MYO18B: variants seen among roughly 807,000 people sequenced by gnomAD.
MYO18B encodes unconventional myosin-XVIIIb.
MYO18B carries 204 observed loss-of-function variants against 273.0 expected under a neutral mutation model. That is an observed-to-expected ratio of 0.75 (90% CI 0.67 to 0.84). The LOEUF (loss-of-function observed/expected upper bound fraction) is 0.84. MYO18B is among the 40% of genes least tolerant of loss of function. MYO18B has a pLI of 0.00. For synonymous variants in MYO18B, 1,330 were observed against 1,305.7 expected (o/e 1.02, Z -0.40); for missense variants, 3,212 against 3,287.6 (o/e 0.98, Z 0.56).
At chr22:25,846,385 C>G in intron 19 of MYO18B, 102 bp downstream of exon 19, 1 of 1,329,198 alleles carries the variant, frequency 7.5e-7, no homozygotes, top group South Asian at 1.3e-5. Flanking sequence ...ACCTCCCCAG[C>G]AAGGCCAGAG....
At chr22:26,040,286 C>T in the MYO18B span, among the ~76,000 whole-genome samples, 7 of 152,122 alleles carry the variant, frequency 4.6e-5, no homozygotes, top group African/African-American at 1.7e-4. Context: ...GTTTGCAGCT[C>T]TCTATTTACT....
At chr22:25,868,406 A>G (rs1425268231) in intron 22 of MYO18B, 21 bp downstream of exon 22, 4 of 1,574,038 alleles carry the variant, frequency 2.5e-6, no homozygotes, top group African/African-American at 2.7e-5. Context: ...CTGCTTTCTT[A>G]CAACATTCGC....
rs1415474298 is a variant in MYO18B at position 25,947,714 on chromosome 22, G to A, written c.5634G>A (p.Val1878=). ...LENMTRNKSL[V]DEQLYRLQFE... is the part of the protein sequence containing the mutation. The stretch of plus-strand genomic sequence containing the variant: ...GACCACTGATCTGCCTCCCCCAGGT[G>A]GATGAGCAGCTGTACAGGCTGCAGT... Residue 1878 remains valine, a splice_region_variant and synonymous_variant, in exon 36 of 44, where the codon GTG becomes GTA. Transcript: ENST00000335473. The A allele has an allele frequency of 6.2e-7, 1 of 1,612,706 alleles. No homozygotes were observed. The highest frequency in any genetic ancestry group is 1.3e-5 in the African/African-American group (1 of 74,986).
rs368489526 is a variant in MYO18B, at chr22:25,883,919, T to C, written c.4314+5871T>C. Among the ~76,000 whole-genome samples, 1 of 152,180 alleles carries C rather than the reference T, an allele frequency of 6.6e-6. No homozygotes were observed. Among genetic ancestry groups the C allele is most frequent in the Non-Finnish European group, 1.5e-5 (1 of 68,032 alleles). ...AATGTGCCTTGATGCAAACTGGGGT[T>C]TTTTTATTTTCATAAGAAGGCAGTG... On this transcript the variant is annotated intron_variant, in intron 25 of 43. Coordinates refer to ENST00000335473, the MANE Select transcript of MYO18B (RefSeq NM_032608.7). The surrounding 1 kb of genome is among the most constrained non-coding windows in gnomAD (Gnocchi z 7.6).
chr22:25,935,420 G>A (rs1199513446), intron 34 of MYO18B, among the ~76,000 whole-genome samples: 2 of 152,126 alleles, frequency 1.3e-5, no homozygotes, highest in African/African-American at 2.4e-5. Flanking sequence ...TACTTTCCTG[G>A]GGACATGCTT....
chr22:25,977,285 CTGTATTTGTATTTGTATTTGTATT>C (rs55633196), intron 39 of MYO18B, among the ~76,000 whole-genome samples: 94 of 143,972 alleles, frequency 6.5e-4, no homozygotes, highest in Middle Eastern at 3.6e-3. Context: ...TTTCCAACTC[CTGTATTTGTATTTGTATTTGTATT>C]TGTATTTGTA....
At chr22:25,761,950 C>T (rs111581781) in intron 2 of MYO18B, among the ~76,000 whole-genome samples, 132 of 152,206 alleles carry the variant, frequency 8.7e-4, no homozygotes, top group African/African-American at 2.9e-3. Context: ...AGTGAAACCA[C>T]GTCTCTACTA....
At chr22:25,809,995 G>GT (rs146441886) in intron 12 of MYO18B, among the ~76,000 whole-genome samples, 33,566 of 140,586 alleles carry the variant, frequency 0.24, 3,951 homozygotes, top group Middle Eastern at 0.28. Flanking sequence ...AGAATAGAAA[G>GT]TTTAAAAAAA....
intron 34 of MYO18B, among the ~76,000 whole-genome samples, chr22:25,924,468 A>G (rs2092392437): frequency 6.6e-6 from 1 of 152,244 alleles, no homozygotes; most frequent in Non-Finnish European, 1.5e-5. Context: ...TCTGATGGAA[A>G]AGAAGACAAA....
intron 34 of MYO18B, among the ~76,000 whole-genome samples, chr22:25,929,842 G>T (rs959268070): frequency 2.0e-5 from 3 of 152,102 alleles, no homozygotes; most frequent in Admixed American, 1.3e-4. Context: ...TCTTGTCTGA[G>T]CAATCTTTGT....
intron 12 of MYO18B, among the ~76,000 whole-genome samples, chr22:25,810,029 C>G (rs1297667529): frequency 6.6e-6 from 1 of 151,282 alleles, no homozygotes; most frequent in African/African-American, 2.4e-5. Context: ...TCCTCACACC[C>G]CAGTGCCAAA....
At position 25,903,768 on chromosome 22, in the gene MYO18B, C is replaced by T; in HGVS notation, c.5085C>T (p.Ser1695=). The T allele has an allele frequency of 1.2e-6, 2 of 1,604,052 alleles. No individual in the cohort carries two copies. The highest frequency in any genetic ancestry group is 1.7e-6 in the Non-Finnish European group (2 of 1,175,380). The change falls in exon 31 of 44, where the codon TCC becomes TCT. Residue 1695 remains serine, a synonymous_variant. Transcript: ENST00000335473. ...AGGAGAGGCTCTGGAAGTTGGAATC[C>T]AGCGCCCTTGAGCAACAGAAAATCC... The part of the protein sequence containing the change: ...GLKERLWKLE[S]SALEQQKIQS...
At position 25,908,317 on chromosome 22, in the gene MYO18B, C is replaced by A; in HGVS notation, c.5149-5C>A. 2 of 1,569,992 alleles carry A rather than the reference C, an allele frequency of 1.3e-6. No individual in the cohort carries two copies. The highest frequency in any genetic ancestry group is 2.4e-5 in the East Asian group (1 of 42,190). On this transcript the variant is annotated splice_region_variant and splice_polypyrimidine_tract_variant and intron_variant, in intron 31 of 43. Transcript: ENST00000335473. ...CCTCACGTGCTGTCCTTGCTGCCCC[C>A]GCAGCTCCGCCAGCGGTTTGAGCTG...
chr22:26,062,935 T>C, the MYO18B span, among the ~76,000 whole-genome samples: 1 of 152,144 alleles, frequency 6.6e-6, no homozygotes, highest in Admixed American at 6.6e-5. Context: ...CCATAATTCA[T>C]CTTTCCAAAG....
intron 34 of MYO18B, among the ~76,000 whole-genome samples, chr22:25,923,650 C>T (rs1049813268): frequency 1.3e-5 from 2 of 152,144 alleles, no homozygotes; most frequent in African/African-American, 2.4e-5. Flanking sequence ...CAGGTGGGTA[C>T]GGAACCTTGA....
chr22:25,872,892 CAT>C (rs915527055), intron 22 of MYO18B, among the ~76,000 whole-genome samples: 11 of 152,162 alleles, frequency 7.2e-5, no homozygotes, highest in Non-Finnish European at 1.0e-4. Flanking sequence ...TTATAAACCA[CAT>C]GTGACAAAGA....
At chr22:25,746,876 CT>C (rs2085794618) in intron 1 of MYO18B, among the ~76,000 whole-genome samples, 1 of 152,168 alleles carries the variant, frequency 6.6e-6, no homozygotes, top group South Asian at 2.1e-4. Context: ...AATCCCAGCA[CT>C]TTGGGAGGCC....
Position 25,785,423 on chromosome 22 carries a change from T to A in MYO18B, c.2313-5T>A, listed in dbSNP as rs2087340887. 6.2e-7 allele frequency: 1 copy of A among 1,605,962 alleles called. No homozygotes were observed. ...CCTGACTCCTGGTTCCTTCTGTGCT[T>A]CCAGGACGGAGCTGAACCTGCACCA... is the stretch of plus-strand genomic sequence containing the variant. On this transcript the variant is annotated splice_polypyrimidine_tract_variant and splice_region_variant and intron_variant, in intron 10 of 43. Coordinates refer to ENST00000335473, the MANE Select transcript of MYO18B (RefSeq NM_032608.7).
chr22:25,759,150 C>T (rs534202497), intron 1 of MYO18B, among the ~76,000 whole-genome samples: 1 of 152,212 alleles, frequency 6.6e-6, no homozygotes, highest in African/African-American at 2.4e-5. Flanking sequence ...AATGTTATGA[C>T]ATACAAATAA....
Sources: gnomAD v4.1 joint callset for allele counts (sites outside exome capture counted in the v4.1 genomes callset) on GRCh38, gnomAD v4.1.1 for gene constraint, Gnocchi (gnomAD v3.1) non-coding constraint, MANE v1.5 for transcripts, NCBI Gene and HGNC (gene_info 2026-07-23, HGNC 2026-07-21) for gene names.